Variants in C5 observed in about 807,000 individuals in gnomAD.
C5 encodes the protein C3 and PZP-like alpha-2-macroglobulin domain-containing protein 4.
C5 carries 140 observed loss-of-function variants against 218.8 expected under a neutral mutation model. The observed-to-expected ratio is 0.64, with a 90% CI of 0.56 to 0.74. The LOEUF (loss-of-function observed/expected upper bound fraction) is 0.74. Ranked by LOEUF, C5 falls within the 30% of genes least tolerant of loss-of-function variation. The pLI is 0.00. For missense variants in C5, 1,700 were observed against 1,969.6 expected (o/e 0.86, Z 2.59); for synonymous variants, 614 against 682.3 (o/e 0.90, Z 1.56).
chr9:121,051,535 C>A (rs913968790), upstream of C5, among the ~76,000 whole-genome samples: 1 of 151,928 alleles, frequency 6.6e-6, no homozygotes, highest in Non-Finnish European at 1.5e-5. Context: ...ATGTACTCTT[C>A]TTTAAAATAA....
chr9:120,989,400 C>T (rs1197689554), intron 24 of C5, among the ~76,000 whole-genome samples, 168 bp downstream of exon 24: 1 of 152,042 alleles, frequency 6.6e-6, no homozygotes, highest in Admixed American at 6.5e-5. Flanking sequence ...TAAGTTGAGC[C>T]AAAATGCTAC....
At position 121,034,876 on chromosome 9, in the gene C5, CT is replaced by C; in HGVS notation, c.510del (p.Val171LeufsTer4). 1 of 1,587,872 alleles carries C rather than the reference CT, an allele frequency of 6.3e-7. No individual in the cohort carries two copies. On this transcript the variant is annotated frameshift_variant, in exon 5 of 41. Transcript: ENST00000223642. LOFTEE classifies it high-confidence loss of function. ...VLTFIDPEGS[E>X]VDMVEEIDHI... is the part of the protein sequence containing the mutation. Reference sequence around the variant, plus strand: ...TGATCAATTTCTTCTACCATGTCAACTTCTGATCCTTCAGGATCCTGTAAAT... The same window carrying C: ...TGATCAATTTCTTCTACCATGTCAACTCTGATCCTTCAGGATCCTGTAAAT...
the C5 span, among the ~76,000 whole-genome samples, chr9:121,073,846 T>C: frequency 6.6e-6 from 1 of 152,106 alleles, no homozygotes; most frequent in African/African-American, 2.4e-5. Context: ...AGGAAAACTG[T>C]AGGAAGTGTT....
chr9:121,073,668 C>CA, the C5 span, among the ~76,000 whole-genome samples: 1 of 152,020 alleles, frequency 6.6e-6, no homozygotes, highest in Non-Finnish European at 1.5e-5. Context: ...CGTGCGCCAC[C>CA]ACGCCCGGGT....
chr9:121,072,812 T>TAAAAAAAAAAA, the C5 span, among the ~76,000 whole-genome samples: 2 of 98,608 alleles, frequency 2.0e-5, no homozygotes, highest in Non-Finnish European at 4.3e-5. Flanking sequence ...TTCAAAAAAT[T>TAAAAAAAAAAA]AAAAAAAAAA....
chr9:120,970,103 A>G, intron 32 of C5, 67 bp downstream of exon 32: 1 of 1,070,690 alleles, frequency 9.3e-7, no homozygotes. Context: ...CTAATCAGAG[A>G]AGCTCTCTAT....
At chr9:121,017,240 A>C in intron 14 of C5, 122 bp downstream of exon 14, 1 of 1,180,086 alleles carries the variant, frequency 8.5e-7, no homozygotes, top group Non-Finnish European at 1.2e-6. Context: ...TACCTTCCTA[A>C]AAATGAGTAT....
chr9:120,965,480 A>AAAGGGAAGTGTAAG, intron 33 of C5, among the ~76,000 whole-genome samples: 1 of 152,054 alleles, frequency 6.6e-6, no homozygotes. Context: ...AGATCGCACC[A>AAAGGGAAGTGTAAG]CTGCACTCTA....
chr9:120,967,723 CT>C lies in C5; in HGVS notation c.4220+1337del, dbSNP rs909586360. Among the ~76,000 whole-genome samples, 149 of 145,090 alleles carry C rather than the reference CT, an allele frequency of 1.0e-3. 1 individual carries two copies. The highest frequency in any genetic ancestry group is 1.9e-3 in the African/African-American group (75 of 39,162). On this transcript the variant is annotated intron_variant, in intron 33 of 40. Transcript: ENST00000223642. Reference sequence around the variant, plus strand: ...AATACCTACATATTCTTTTCTTTTTCTTTTTTTTTTTATTTGGAGACAAGGT... The same window carrying C: ...AATACCTACATATTCTTTTCTTTTTCTTTTTTTTTTATTTGGAGACAAGGT...
intron 30 of C5, among the ~76,000 whole-genome samples, chr9:120,974,391 T>C (rs920391823): frequency 2.0e-5 from 3 of 152,230 alleles, no homozygotes; most frequent in African/African-American, 7.2e-5. Context: ...CGCTGTTATC[T>C]ATGTCTGGAA....
intron 33 of C5, among the ~76,000 whole-genome samples, chr9:120,965,607 TAAAGA>T (rs1194370010): frequency 5.9e-5 from 9 of 152,114 alleles, no homozygotes; most frequent in Non-Finnish European, 1.2e-4. Context: ...TTTGCCACAA[TAAAGA>T]AAAGTATTCT....
Position 121,016,952 on chromosome 9 carries a change from A to G in C5, c.1866+410T>C, listed in dbSNP as rs1394616635. 2.0e-5 allele frequency among the ~76,000 whole-genome samples: 3 copies of G among 152,308 alleles called. No homozygotes were observed. In the East Asian group the frequency reaches 5.8e-4, roughly 29 times the overall value. The stretch of plus-strand genomic sequence containing the variant: ...AACATAATAAGATAAATAGGAACTT[A>G]TGAGAATTGAATGATTTTGAGATTC... On this transcript the variant is annotated intron_variant, in intron 14 of 40. Coordinates refer to ENST00000223642, the MANE Select transcript of C5 (RefSeq NM_001735.3).
intron 25 of C5, among the ~76,000 whole-genome samples, chr9:120,983,377 G>A (rs1564139650): frequency 2.0e-5 from 3 of 152,070 alleles, no homozygotes; most frequent in South Asian, 4.1e-4. Context: ...AATACCCATC[G>A]AAGAGTATCA....
intron 37 of C5, 86 bp from the exon 38 acceptor site, chr9:120,960,423 C>T: frequency 1.2e-6 from 1 of 848,906 alleles, no homozygotes; most frequent in East Asian, 2.5e-5. Flanking sequence ...TCTCATGAGC[C>T]CAGAGACAAC....
chr9:120,990,158 A>G (rs976410960), intron 23 of C5, among the ~76,000 whole-genome samples: 1 of 152,204 alleles, frequency 6.6e-6, no homozygotes, highest in African/African-American at 2.4e-5. Context: ...ATGACTGTCT[A>G]TAATTCACTG....
At chr9:121,003,573 G>A (rs961299680) in intron 20 of C5, among the ~76,000 whole-genome samples, 2 of 152,166 alleles carry the variant, frequency 1.3e-5, no homozygotes, top group African/African-American at 2.4e-5. Flanking sequence ...TTTTATCAAT[G>A]AGGACTGATT....
chr9:120,956,850 A>T (rs976728370), intron 39 of C5: 2 of 233,730 alleles, frequency 8.6e-6, no homozygotes, highest in Non-Finnish European at 1.7e-5. Context: ...GGACACAAAG[A>T]AGGGAACACT....
chr9:121,072,838 GA>G, the C5 span, among the ~76,000 whole-genome samples: 695 of 144,030 alleles, frequency 4.8e-3, 4 homozygotes, highest in African/African-American at 0.016. Flanking sequence ...AAAAAGAAAA[GA>G]AAAAAAATGA....
In C5 at chr9:120,982,256, C is replaced by T. The variant is rs41311905; in HGVS notation, c.3391-317G>A. On this transcript the variant is annotated intron_variant, in intron 26 of 40. Coordinates refer to ENST00000223642, the MANE Select transcript of C5 (RefSeq NM_001735.3). ...TGAACTCCTGACCTCATGATCCGCC[C>T]GCCTTGGCCTCCCAAAGTGCTGCAA... is the stretch of plus-strand genomic sequence containing the variant. Among the ~76,000 whole-genome samples the T allele has an allele frequency of 8.2e-3, 1,252 of 152,322 alleles. 22 individuals are homozygous for T. Among genetic ancestry groups the T allele is most frequent in the African/African-American group, 0.029 (1,187 of 41,564 alleles).
Sources: allele counts gnomAD v4.1 joint callset (sites outside exome capture counted in the v4.1 genomes callset), GRCh38; gene constraint gnomAD v4.1.1; transcripts MANE v1.5; gene names NCBI Gene and HGNC (gene_info 2026-07-23, HGNC 2026-07-21).